The following PTPRG variants were observed in gnomAD, a reference collection of about 807,000 sequenced individuals.
The protein encoded by PTPRG is protein tyrosine phosphatase receptor type G.
A neutral mutation model predicts 165.3 loss-of-function variants in PTPRG; 102 were observed. The ratio of observed to expected loss-of-function variants is 0.62; its 90% confidence interval spans 0.53 to 0.73. PTPRG has a LOEUF of 0.73. PTPRG is among the 30% of genes least tolerant of loss of function. PTPRG has a pLI of 0.00. For synonymous variants in PTPRG, 675 were observed against 669.5 expected (o/e 1.01, Z -0.13); for missense variants, 1,866 against 1,861.4 (o/e 1.00, Z -0.05).
intron 1 of PTPRG, among the ~76,000 whole-genome samples, chr3:61,568,607 T>C (rs1410334437): frequency 6.6e-6 from 1 of 152,064 alleles, no homozygotes; most frequent in Admixed American, 6.6e-5. Flanking sequence ...TTAATACAAC[T>C]GTAAAAAAAA....
rs369173354 is a variant in PTPRG at position 62,078,150 on chromosome 3, A to T, written c.520-13A>T. ...AAAATTTTCCTAATACATTTTTTTA[A>T]TTGTTCTTACAGATGCAGATTTTCT... On this transcript the variant is annotated splice_polypyrimidine_tract_variant and intron_variant, in intron 4 of 29. Transcript: ENST00000474889. The T allele has an allele frequency of 4.4e-4, 680 of 1,550,802 alleles. 2 individuals carry two copies. The African/African-American group carries it at 8.9e-3, about 20-fold the overall frequency.
intron 13 of PTPRG, among the ~76,000 whole-genome samples, chr3:62,220,618 G>A (rs1700628959): frequency 6.6e-6 from 1 of 152,146 alleles, no homozygotes; most frequent in South Asian, 2.1e-4. Context: ...AGACCAGCAA[G>A]TTTATGAAGT....
chr3:62,043,195 C>T (rs931987045), intron 4 of PTPRG, among the ~76,000 whole-genome samples: 1 of 152,140 alleles, frequency 6.6e-6, no homozygotes, highest in Non-Finnish European at 1.5e-5. Flanking sequence ...TACAAAGAAG[C>T]CCAATATGTT....
rs987869220 is a variant in PTPRG, at chr3:62,240,537, A to G, written c.2376-3270A>G. 6.6e-6 allele frequency among the ~76,000 whole-genome samples: 1 copy of G among 152,112 alleles called. No homozygotes were observed. Among genetic ancestry groups the G allele is most frequent in the Non-Finnish European group, 1.5e-5 (1 of 68,012 alleles). On this transcript the variant is annotated intron_variant, in intron 14 of 29. Transcript: ENST00000474889. The surrounding 1 kb of genome is among the most constrained non-coding windows in gnomAD (Gnocchi z 5.1). The stretch of plus-strand genomic sequence containing the variant: ...CAAATCAGATGGTGCCTCTCCATGG[A>G]TTAAAGCCTTTCATTGACTGTCCCC...
chr3:61,717,632 A>C (rs1372733841), intron 1 of PTPRG, among the ~76,000 whole-genome samples: 10 of 151,780 alleles, frequency 6.6e-5, no homozygotes, highest in Admixed American at 2.6e-4. Context: ...CTAAAAATAC[A>C]AAAAAAATTA....
intron 2 of PTPRG, among the ~76,000 whole-genome samples, chr3:61,791,091 A>C (rs2034855087): frequency 6.6e-6 from 1 of 152,218 alleles, no homozygotes; most frequent in South Asian, 2.1e-4. Flanking sequence ...TTAATGAAAC[A>C]GGGAAGAAGT....
At chr3:61,732,111 G>A (rs1158177234) in intron 1 of PTPRG, among the ~76,000 whole-genome samples, 10 of 152,060 alleles carry the variant, frequency 6.6e-5, no homozygotes, top group South Asian at 2.1e-4. Context: ...ACCCACATAG[G>A]GACTTTTAAA....
intron 2 of PTPRG, among the ~76,000 whole-genome samples, chr3:61,884,987 G>A (rs1436298224): frequency 5.3e-5 from 8 of 152,134 alleles, no homozygotes; most frequent in Non-Finnish European, 8.8e-5. Flanking sequence ...GCCCAGAGTC[G>A]CTTACAGATC....
At chr3:61,942,129 G>C (rs1317594635) in intron 2 of PTPRG, among the ~76,000 whole-genome samples, 1 of 149,630 alleles carries the variant, frequency 6.7e-6, no homozygotes. Flanking sequence ...CTACACTCCA[G>C]CCTGGGCAAT....
intron 1 of PTPRG, among the ~76,000 whole-genome samples, chr3:61,660,535 G>A (rs1702627725): frequency 1.3e-5 from 2 of 152,184 alleles, no homozygotes; most frequent in Admixed American, 6.5e-5. Flanking sequence ...CATAGTTAGC[G>A]AGTGATATAT....
At chr3:61,631,053 C>CT (rs1701761648) in intron 1 of PTPRG, among the ~76,000 whole-genome samples, 1 of 149,230 alleles carries the variant, frequency 6.7e-6, no homozygotes, top group Non-Finnish European at 1.5e-5. Flanking sequence ...GAGACGCTGT[C>CT]TCAAAAAAAA....
At chr3:61,764,035 A>C (rs12491760) in intron 2 of PTPRG, among the ~76,000 whole-genome samples, 1 of 151,942 alleles carries the variant, frequency 6.6e-6, no homozygotes, top group African/African-American at 2.4e-5. Context: ...AGGAAGCTCT[A>C]TGTGACAGTG....
At chr3:61,830,334 A>G (rs2036239729) in intron 2 of PTPRG, among the ~76,000 whole-genome samples, 1 of 152,188 alleles carries the variant, frequency 6.6e-6, no homozygotes, top group African/African-American at 2.4e-5. Context: ...GAATACTATC[A>G]TCTTTTAGGT....
At chr3:61,626,326 G>A (rs542896274) in intron 1 of PTPRG, among the ~76,000 whole-genome samples, 1 of 152,258 alleles carries the variant, frequency 6.6e-6, no homozygotes, top group East Asian at 1.9e-4. Flanking sequence ...AGCAGTGATA[G>A]TAGAAATTGC....
At chr3:62,099,196 T>G (rs971219099) in intron 5 of PTPRG, among the ~76,000 whole-genome samples, 5 of 152,154 alleles carry the variant, frequency 3.3e-5, no homozygotes, top group African/African-American at 1.2e-4. Flanking sequence ...TGACTCAGAG[T>G]AAAGCAATAA....
intron 4 of PTPRG, among the ~76,000 whole-genome samples, chr3:62,034,480 C>T (rs372768111): frequency 6.0e-4 from 91 of 152,318 alleles, no homozygotes; most frequent in African/African-American, 2.1e-3. Context: ...TCTGATTGTG[C>T]GGTCTCTTGG....
chr3:61,601,024 G>A (rs1309512520), intron 1 of PTPRG, among the ~76,000 whole-genome samples: 1 of 152,220 alleles, frequency 6.6e-6, no homozygotes, highest in African/African-American at 2.4e-5. Flanking sequence ...GGAGGTCGAG[G>A]CGGGCAGATC....
At chr3:62,056,357 C>T (rs1700634376) in intron 4 of PTPRG, among the ~76,000 whole-genome samples, 1 of 152,148 alleles carries the variant, frequency 6.6e-6, no homozygotes, top group Non-Finnish European at 1.5e-5. Flanking sequence ...CCACATGTAG[C>T]CCATGAGGGC....
chr3:61,994,158 A>G (rs2040963709), intron 3 of PTPRG, among the ~76,000 whole-genome samples: 1 of 152,222 alleles, frequency 6.6e-6, no homozygotes, highest in Admixed American at 6.5e-5. Context: ...TGAAAAGGTA[A>G]TGCATTCATC....
Sources: gnomAD v4.1 joint callset for allele counts (sites outside exome capture counted in the v4.1 genomes callset) on GRCh38, gnomAD v4.1.1 for gene constraint, Gnocchi (gnomAD v3.1) non-coding constraint, MANE v1.5 for transcripts, NCBI Gene and HGNC (gene_info 2026-07-23, HGNC 2026-07-21) for gene names.